DPP10: variants seen among roughly 807,000 people sequenced by gnomAD.
DPP10 encodes the protein dipeptidyl peptidase like 10, also known as inactive dipeptidyl peptidase 10.
Under a neutral mutation model 120.9 loss-of-function variants are expected in DPP10, and 33 were observed. The observed-to-expected ratio is 0.27, with a 90% CI of 0.21 to 0.37. The LOEUF is 0.37. Ranked by LOEUF, DPP10 falls within the 10% of genes least tolerant of loss-of-function variation. DPP10 has a pLI of 1.00. For synonymous variants in DPP10, 337 were observed against 326.1 expected (o/e 1.03, Z -0.36); for missense variants, 816 against 942.8 (o/e 0.87, Z 1.76).
chr2:114,624,392 C>A (rs1258371598), intron 1 of DPP10, among the ~76,000 whole-genome samples: 1 of 151,812 alleles, frequency 6.6e-6, no homozygotes, highest in Non-Finnish European at 1.5e-5. Context: ...TCTTTTTTGG[C>A]AGACTAGTGG....
chr2:114,667,214 C>T (rs749908349), intron 1 of DPP10, among the ~76,000 whole-genome samples: 10 of 152,292 alleles, frequency 6.6e-5, no homozygotes, highest in Admixed American at 4.6e-4. Flanking sequence ...ATGTACCAGA[C>T]ATTGTGTTAT....
chr2:114,584,042 C>T (rs574435951), intron 1 of DPP10, among the ~76,000 whole-genome samples: 5 of 151,946 alleles, frequency 3.3e-5, no homozygotes, highest in Non-Finnish European at 7.4e-5. Flanking sequence ...AAAGAACAAA[C>T]AGAAAGCAAA....
chr2:115,255,039 G>T (rs1411715779), intron 1 of DPP10, among the ~76,000 whole-genome samples: 2 of 152,234 alleles, frequency 1.3e-5, no homozygotes, highest in African/African-American at 4.8e-5. Flanking sequence ...GGGACTGTGT[G>T]TGGGGGCTCC....
At chr2:114,603,932 A>G (rs1031188854) in intron 1 of DPP10, among the ~76,000 whole-genome samples, 3 of 152,084 alleles carry the variant, frequency 2.0e-5, no homozygotes, top group Admixed American at 2.0e-4. Flanking sequence ...AATTTGTTAC[A>G]GCAAAAATAT....
intron 2 of DPP10, among the ~76,000 whole-genome samples, chr2:115,342,538 A>G (rs1261259145): frequency 6.6e-6 from 1 of 152,078 alleles, no homozygotes; most frequent in Non-Finnish European, 1.5e-5. Flanking sequence ...TGTTTTGTTA[A>G]GCATGTGCAA....
At chr2:114,645,568 T>C (rs1696057419) in intron 1 of DPP10, among the ~76,000 whole-genome samples, 1 of 152,212 alleles carries the variant, frequency 6.6e-6, no homozygotes, top group Admixed American at 6.5e-5. Context: ...AATTTTGAAG[T>C]TGTTTTGACA....
chr2:114,794,350 C>G (rs1394367448), intron 1 of DPP10, among the ~76,000 whole-genome samples: 2 of 152,104 alleles, frequency 1.3e-5, no homozygotes, highest in Non-Finnish European at 2.9e-5. Flanking sequence ...GAAAATGGAG[C>G]CAAAATTCAT....
intron 1 of DPP10, among the ~76,000 whole-genome samples, chr2:114,543,480 A>G (rs1422219072): frequency 6.6e-6 from 1 of 152,226 alleles, no homozygotes; most frequent in Non-Finnish European, 1.5e-5. Flanking sequence ...GTTGAGGGTT[A>G]ACTGTCTTCT....
At chr2:114,567,018 C>T (rs989478987) in intron 1 of DPP10, among the ~76,000 whole-genome samples, 1 of 152,294 alleles carries the variant, frequency 6.6e-6, no homozygotes, top group African/African-American at 2.4e-5. Context: ...GAGAGAGCTT[C>T]AGCACAACCC....
intron 5 of DPP10, among the ~76,000 whole-genome samples, chr2:115,596,123 A>G (rs1156762306): frequency 2.6e-5 from 4 of 152,170 alleles, no homozygotes; most frequent in African/African-American, 7.2e-5. Context: ...TTTAGAGCCT[A>G]GAATCTAATA....
intron 1 of DPP10, among the ~76,000 whole-genome samples, chr2:114,911,040 A>G (rs990979522): frequency 1.5e-4 from 23 of 152,148 alleles, no homozygotes; most frequent in African/African-American, 5.5e-4. Context: ...AGTACTCTTA[A>G]ATGAAGCAAG....
At chr2:115,715,655 G>A (rs1021265259) in intron 7 of DPP10, among the ~76,000 whole-genome samples, 1 of 152,210 alleles carries the variant, frequency 6.6e-6, no homozygotes, top group Non-Finnish European at 1.5e-5. Context: ...GGACTGCAGT[G>A]AAACTGTAGA....
intron 5 of DPP10, among the ~76,000 whole-genome samples, chr2:115,631,942 C>A (rs1006406047): frequency 3.9e-5 from 6 of 152,134 alleles, no homozygotes; most frequent in Non-Finnish European, 7.4e-5. Context: ...TGCTGCAGAA[C>A]TGAGTTCAAG....
chr2:115,691,250 A>C (rs2091299305), intron 7 of DPP10, among the ~76,000 whole-genome samples: 1 of 152,228 alleles, frequency 6.6e-6, no homozygotes, highest in East Asian at 1.9e-4. Flanking sequence ...TTTTTTATAA[A>C]TGTAGTCTGA....
At chr2:115,738,363 C>T (rs1186161733) in intron 8 of DPP10, among the ~76,000 whole-genome samples, 2 of 152,072 alleles carry the variant, frequency 1.3e-5, no homozygotes, top group Admixed American at 1.3e-4. Context: ...TGTGTACTAT[C>T]TGTGGGGTGT....
chr2:114,477,897 G>GTGTATATATGTACATATA (rs1680616586), intron 1 of DPP10, among the ~76,000 whole-genome samples: 1 of 125,376 alleles, frequency 8.0e-6, no homozygotes, highest in Non-Finnish European at 1.9e-5. Flanking sequence ...ATGTACATAT[G>GTGTATATATGTACATATA]TGTATATATG....
intron 1 of DPP10, among the ~76,000 whole-genome samples, chr2:114,444,460 C>A: frequency 6.6e-6 from 1 of 152,126 alleles, no homozygotes. Flanking sequence ...AGGAATCAAG[C>A]ATTTATTTTC....
chr2:114,769,294 G>T (rs1681033239), intron 1 of DPP10, among the ~76,000 whole-genome samples: 1 of 152,050 alleles, frequency 6.6e-6, no homozygotes, highest in Non-Finnish European at 1.5e-5. Flanking sequence ...TTAACTGTTG[G>T]CAACTTGTCA....
intron 21 of DPP10, among the ~76,000 whole-genome samples, chr2:115,816,345 A>G (rs1362849577): frequency 6.6e-6 from 1 of 152,202 alleles, no homozygotes; most frequent in Non-Finnish European, 1.5e-5. Flanking sequence ...TTAAACCTAT[A>G]CCTAAATAAC....
Sources: allele counts gnomAD v4.1 joint callset (sites outside exome capture counted in the v4.1 genomes callset), GRCh38; gene constraint gnomAD v4.1.1; transcripts MANE v1.5; gene names NCBI Gene and HGNC (gene_info 2026-07-23, HGNC 2026-07-21).